The following LMX1A variants were observed in gnomAD, a reference collection of about 807,000 sequenced individuals.
The protein encoded by LMX1A is LIM homeobox transcription factor 1 alpha, also known as LIM homeobox transcription factor 1-alpha.
In LMX1A, 15 loss-of-function variants were observed where a neutral mutation model predicts 49.1. That is an observed-to-expected ratio of 0.31 (90% CI 0.20 to 0.47). The LOEUF is 0.47. LMX1A is among the 20% of genes least tolerant of loss of function. LMX1A has a pLI of 1.00. For synonymous variants in LMX1A, 167 were observed against 185.7 expected (o/e 0.90, Z 0.82); for missense variants, 372 against 475.8 (o/e 0.78, Z 2.03).
chr1:165,219,576 T>C (rs966133668), intron 4 of LMX1A, among the ~76,000 whole-genome samples: 1 of 152,164 alleles, frequency 6.6e-6, no homozygotes, highest in Non-Finnish European at 1.5e-5. Context: ...CAACTCTCAA[T>C]GCAATGAACT....
chr1:165,216,088 G>A (rs1165274135), intron 4 of LMX1A: 1 of 152,196 alleles, frequency 6.6e-6, no homozygotes, highest in Non-Finnish European at 1.5e-5. Flanking sequence ...GACAAGGGGT[G>A]GCTACTCTGG....
In LMX1A at chr1:165,202,551, G is replaced by A. The variant is rs1188759355; in HGVS notation, c.*1329C>T. 6.6e-6 allele frequency: 1 copy of A among 151,936 alleles called. No individual in the cohort carries two copies. The highest frequency in any genetic ancestry group is 1.5e-5 in the Non-Finnish European group (1 of 68,006). The allele number at this position is 151,936 out of a possible 1,614,324, so 9.4% of individuals were successfully genotyped here. ...AGGCTTTCCAGGCCACAGACAGCCT[G>A]TTATATATTCTTCTTCTCCTTTTTT... On this transcript the variant is annotated 3_prime_UTR_variant, in exon 9 of 9. Coordinates refer to ENST00000342310, the MANE Select transcript of LMX1A (RefSeq NM_177398.4).
chr1:165,233,765 A>G (rs1427217110), intron 4 of LMX1A, among the ~76,000 whole-genome samples: 1 of 152,238 alleles, frequency 6.6e-6, no homozygotes, highest in South Asian at 2.1e-4. Flanking sequence ...CTAGAATTTA[A>G]GCTGCCTGAT....
intron 3 of LMX1A, among the ~76,000 whole-genome samples, chr1:165,268,357 T>TG (rs766559732): frequency 4.6e-5 from 7 of 152,214 alleles, no homozygotes; most frequent in Non-Finnish European, 8.8e-5. Context: ...CTTGATGTTT[T>TG]GGGGCCAGTG....
chr1:165,300,894 C>G (rs1170114353), intron 3 of LMX1A, among the ~76,000 whole-genome samples: 2 of 152,130 alleles, frequency 1.3e-5, no homozygotes, highest in African/African-American at 4.8e-5. Context: ...AGGGACTTAG[C>G]CCACTGGGGA....
chr1:165,209,311 T>C (rs1651263652), intron 6 of LMX1A, among the ~76,000 whole-genome samples: 1 of 152,230 alleles, frequency 6.6e-6, no homozygotes, highest in South Asian at 2.1e-4. Context: ...ACCCTGTTTT[T>C]TGGCATACGG....
intron 3 of LMX1A, among the ~76,000 whole-genome samples, chr1:165,327,339 C>T (rs551449731): frequency 6.6e-6 from 1 of 152,320 alleles, no homozygotes; most frequent in African/African-American, 2.4e-5. Context: ...AGCAGAGGCT[C>T]AAGCCATGTT....
chr1:165,276,116 C>T (rs1043320418), intron 3 of LMX1A, among the ~76,000 whole-genome samples: 2 of 152,088 alleles, frequency 1.3e-5, no homozygotes, highest in Admixed American at 6.5e-5. Context: ...TGTGCCCCTT[C>T]AGAGTGCATC....
chr1:165,263,889 A>T (rs1653534248), intron 3 of LMX1A, among the ~76,000 whole-genome samples: 1 of 152,202 alleles, frequency 6.6e-6, no homozygotes, highest in Non-Finnish European at 1.5e-5. Context: ...GGTATTTTGC[A>T]AATTAAAAGC....
At chr1:165,214,733 C>A (rs191099718) in intron 4 of LMX1A, among the ~76,000 whole-genome samples, 1 of 152,332 alleles carries the variant, frequency 6.6e-6, no homozygotes, top group East Asian at 1.9e-4. Context: ...CCTGCCAGTA[C>A]AGATAACTCA....
chr1:165,278,743 C>T (rs2101703493), intron 3 of LMX1A, among the ~76,000 whole-genome samples: 1 of 152,258 alleles, frequency 6.6e-6, no homozygotes, highest in Non-Finnish European at 1.5e-5. Context: ...ACTGCAAGGC[C>T]TCAGACACAG....
chr1:165,313,771 C>A (rs1340415026), intron 3 of LMX1A, among the ~76,000 whole-genome samples: 1 of 152,174 alleles, frequency 6.6e-6, no homozygotes, highest in Admixed American at 6.5e-5. Flanking sequence ...GATGAGTTCA[C>A]TGAGGCATGG....
intron 3 of LMX1A, among the ~76,000 whole-genome samples, chr1:165,279,996 A>G (rs904587369): frequency 6.6e-6 from 1 of 152,094 alleles, no homozygotes; most frequent in Non-Finnish European, 1.5e-5. Context: ...CTGCAGCCCT[A>G]CGGAGAGAGA....
chr1:165,270,887 T>C (rs934376477), intron 3 of LMX1A, among the ~76,000 whole-genome samples: 1 of 152,226 alleles, frequency 6.6e-6, no homozygotes, highest in Admixed American at 6.5e-5. Context: ...TGACTTCTCC[T>C]TTTCTGATGG....
At chr1:165,263,753 T>C (rs1032694359) in intron 3 of LMX1A, among the ~76,000 whole-genome samples, 2 of 152,316 alleles carry the variant, frequency 1.3e-5, no homozygotes, top group South Asian at 2.1e-4. Flanking sequence ...CAAAGACTTA[T>C]GAAGGTTTAA....
intron 3 of LMX1A, among the ~76,000 whole-genome samples, chr1:165,326,270 G>C (rs573565092): frequency 6.6e-6 from 1 of 152,146 alleles, no homozygotes; most frequent in African/African-American, 2.4e-5. Context: ...CACTGAGTCC[G>C]ATTTCCATAT....
In LMX1A at chr1:165,257,086, T is replaced by A. The variant is rs552910233; in HGVS notation, c.264-7446A>T. Among the ~76,000 whole-genome samples the A allele has an allele frequency of 1.8e-3, 267 of 152,310 alleles. 1 individual carries two copies. Among genetic ancestry groups the A allele is most frequent in the Non-Finnish European group, 2.3e-3 (159 of 68,026 alleles). ...TGGAGGACAGGAAAAAGAGAATTAA[T>A]CTTTATTGAGTACCCACTCAGTGCT... On this transcript the variant is annotated intron_variant, in intron 3 of 8. Coordinates refer to ENST00000342310, the MANE Select transcript of LMX1A (RefSeq NM_177398.4).
chr1:165,205,168 C>G (rs1651022660), intron 8 of LMX1A, among the ~76,000 whole-genome samples: 1 of 152,156 alleles, frequency 6.6e-6, no homozygotes, highest in African/African-American at 2.4e-5. Flanking sequence ...CAACACTAAC[C>G]TTCTCTGTAT....
At position 165,208,147 on chromosome 1, in the gene LMX1A, A is replaced by G. The variant is rs1347743476; in HGVS notation, c.748-15T>C. On this transcript the variant is annotated splice_polypyrimidine_tract_variant and intron_variant, in intron 6 of 8. Transcript: ENST00000342310. ...AGCTTCTTCATCTGATAAGGAGAGG[A>G]CCATAGGATTAGAAGTCAGGTGGCC... The G allele has an allele frequency of 4.3e-6, 7 of 1,613,122 alleles. No individual in the cohort carries two copies. The highest frequency in any genetic ancestry group is 2.2e-5 in the East Asian group (1 of 44,880).
Sources: gnomAD v4.1 joint callset for allele counts (sites outside exome capture counted in the v4.1 genomes callset) on GRCh38, gnomAD v4.1.1 for gene constraint, MANE v1.5 for transcripts, NCBI Gene and HGNC (gene_info 2026-07-23, HGNC 2026-07-21) for gene names.